CEP128: variants seen among roughly 807,000 people sequenced by gnomAD.
CEP128 encodes the protein centrosomal protein 128kDa.
CEP128 carries 132 observed loss-of-function variants against 156.7 expected under a neutral mutation model. The observed-to-expected ratio is 0.84, with a 90% CI of 0.73 to 0.97. CEP128 has a LOEUF of 0.97. Ranked by LOEUF, CEP128 falls within the 50% of genes least tolerant of loss-of-function variation. The pLI, the probability that CEP128 is intolerant of heterozygous loss-of-function variation, is 0.00. For synonymous variants in CEP128, 469 were observed against 448.9 expected (o/e 1.04, Z -0.57); for missense variants, 1,252 against 1,281.9 (o/e 0.98, Z 0.36).
chr14:80,852,505 A>G (rs1379027894), intron 9 of CEP128, among the ~76,000 whole-genome samples: 1 of 151,934 alleles, frequency 6.6e-6, no homozygotes, highest in Non-Finnish European at 1.5e-5. Flanking sequence ...ATGAAGAGAA[A>G]GAGAGAGTAA....
At chr14:80,594,346 T>C (rs528214762) in intron 19 of CEP128, among the ~76,000 whole-genome samples, 1 of 152,194 alleles carries the variant, frequency 6.6e-6, no homozygotes, top group East Asian at 1.9e-4. Flanking sequence ...GACTTAAACA[T>C]AAGACCTAAA....
chr14:80,905,089 C>T (rs763722487), intron 5 of CEP128, among the ~76,000 whole-genome samples, 158 bp from the exon 6 acceptor site: 1 of 151,982 alleles, frequency 6.6e-6, no homozygotes, highest in Non-Finnish European at 1.5e-5. Flanking sequence ...CATAAAGTTC[C>T]ACCAAATTAG....
At chr14:80,611,226 AT>A (rs1308532236) in intron 19 of CEP128, among the ~76,000 whole-genome samples, 2 of 152,012 alleles carry the variant, frequency 1.3e-5, no homozygotes, top group African/African-American at 4.8e-5. Context: ...ATTAAGCTTT[AT>A]TAAACATTCA....
intron 2 of CEP128, among the ~76,000 whole-genome samples, chr14:80,921,004 A>C (rs1022443802): frequency 1.3e-5 from 2 of 152,242 alleles, no homozygotes; most frequent in Non-Finnish European, 2.9e-5. Context: ...CAAAATAAAA[A>C]CAACTCAAAT....
At chr14:80,572,053 C>A (rs1891161821) in intron 20 of CEP128, among the ~76,000 whole-genome samples, 1 of 152,206 alleles carries the variant, frequency 6.6e-6, no homozygotes, top group Non-Finnish European at 1.5e-5. Context: ...TCATGTGTGA[C>A]TTTTTCCCTC....
chr14:80,826,972 A>G (rs1885517431), intron 13 of CEP128, among the ~76,000 whole-genome samples: 1 of 152,308 alleles, frequency 6.6e-6, no homozygotes, highest in South Asian at 2.1e-4. Context: ...AGTATTTTCT[A>G]TGCATATACA....
chr14:80,558,947 T>C (rs573438034), intron 21 of CEP128, among the ~76,000 whole-genome samples: 79 of 152,350 alleles, frequency 5.2e-4, no homozygotes, highest in South Asian at 2.1e-3. Context: ...CAGTTTCTTA[T>C]CAACCAATCC....
At chr14:80,682,539 A>G (rs530389033) in intron 19 of CEP128, among the ~76,000 whole-genome samples, 1 of 152,360 alleles carries the variant, frequency 6.6e-6, no homozygotes, top group South Asian at 2.1e-4. Flanking sequence ...GAATAATTCA[A>G]GAAACTGTCC....
At chr14:80,663,057 G>A (rs935326726) in intron 19 of CEP128, among the ~76,000 whole-genome samples, 1 of 152,080 alleles carries the variant, frequency 6.6e-6, no homozygotes, top group African/African-American at 2.4e-5. Flanking sequence ...ACTGTATTAT[G>A]TTTTGTTACA....
rs1326192702 is a variant in CEP128 at position 80,761,201 on chromosome 14, CT to C, written c.2553+235del. ...GGGCTACCTCTCTTATAAGATTTTT[CT>C]TTTTTTTTTTTTTTACAGAGTGAGA... On this transcript the variant is annotated intron_variant, in intron 17 of 24. Coordinates refer to ENST00000555265, the MANE Select transcript of CEP128 (RefSeq NM_152446.5). Among the ~76,000 whole-genome samples, 837 of 137,832 alleles carry C rather than the reference CT, an allele frequency of 6.1e-3. 6 individuals are homozygous for C. The highest frequency in any genetic ancestry group is 0.019 in the Middle Eastern group (5 of 268). The allele number at this position is 137,832 out of a possible 152,430, so 90.4% of individuals were successfully genotyped here.
At chr14:80,627,511 A>G (rs1274913932) in intron 19 of CEP128, among the ~76,000 whole-genome samples, 4 of 152,218 alleles carry the variant, frequency 2.6e-5, no homozygotes, top group African/African-American at 9.6e-5. Context: ...TAGATGTTCA[A>G]TTAACATTTG....
At chr14:80,686,087 C>G (rs1302037936) in intron 19 of CEP128, among the ~76,000 whole-genome samples, 1 of 151,916 alleles carries the variant, frequency 6.6e-6, no homozygotes, top group Non-Finnish European at 1.5e-5. Flanking sequence ...GAAATTGCAA[C>G]AAAAACAAAA....
chr14:80,777,255 G>A (rs532979195), intron 16 of CEP128, among the ~76,000 whole-genome samples: 1 of 152,234 alleles, frequency 6.6e-6, no homozygotes, highest in Admixed American at 6.5e-5. Context: ...TTTGGGAGGT[G>A]AATGGGTAGA....
intron 19 of CEP128, among the ~76,000 whole-genome samples, chr14:80,662,012 T>C (rs965900663): frequency 6.6e-6 from 1 of 152,136 alleles, no homozygotes; most frequent in Non-Finnish European, 1.5e-5. Flanking sequence ...TCCTGGCTGC[T>C]TGGAGAAACA....
rs1431938679 is a variant in CEP128, at chr14:80,761,597, A to T, written c.2393T>A (p.Ile798Asn). The change falls in exon 17 of 25, where the codon ATT becomes AAT. Residue 798 changes from isoleucine (I) to asparagine (N), a missense_variant. Coordinates refer to ENST00000555265, the MANE Select transcript of CEP128 (RefSeq NM_152446.5). ...QLEEREKHIS[I>N]EEEHLRRMEE... ...CATCCTCCTTAAGTGCTCCTCTTCA[A>T]TGCTTATATGTTTTTCCTAAGGCAT... is the stretch of plus-strand genomic sequence containing the variant. 6.3e-7 allele frequency: 1 copy of T among 1,596,660 alleles called. No homozygotes were observed. The highest frequency in any genetic ancestry group is 8.5e-7 in the Non-Finnish European group (1 of 1,170,414).
At chr14:80,592,887 A>G (rs1892142177) in intron 19 of CEP128, among the ~76,000 whole-genome samples, 1 of 152,222 alleles carries the variant, frequency 6.6e-6, no homozygotes. Flanking sequence ...AAATAGAACC[A>G]ACAACAAAAG....
At chr14:80,629,668 G>C (rs1451803159) in intron 19 of CEP128, among the ~76,000 whole-genome samples, 1 of 151,900 alleles carries the variant, frequency 6.6e-6, no homozygotes, top group East Asian at 1.9e-4. Context: ...TATAGGCCTA[G>C]GGTTTGCACT....
chr14:80,776,461 T>C (rs1245737126), intron 16 of CEP128, among the ~76,000 whole-genome samples: 5 of 149,044 alleles, frequency 3.4e-5, no homozygotes, highest in Admixed American at 3.4e-4. Flanking sequence ...GCTTTACCAA[T>C]TACTAGAGAA....
At chr14:80,919,662 G>A (rs954352413) in intron 2 of CEP128, among the ~76,000 whole-genome samples, 1 of 152,044 alleles carries the variant, frequency 6.6e-6, no homozygotes, top group African/African-American at 2.4e-5. Context: ...GGGGGCATCT[G>A]AATTTAACTC....
Sources: allele counts gnomAD v4.1 joint callset (sites outside exome capture counted in the v4.1 genomes callset), GRCh38; gene constraint gnomAD v4.1.1; transcripts MANE v1.5; gene names NCBI Gene and HGNC (gene_info 2026-07-23, HGNC 2026-07-21).